The following RTN1 variants were observed in gnomAD, a reference collection of about 807,000 sequenced individuals.
RTN1 encodes reticulon 1.
RTN1 carries 25 observed loss-of-function variants against 65.5 expected under a neutral mutation model. That is an observed-to-expected ratio of 0.38 (90% CI 0.28 to 0.53). The LOEUF (loss-of-function observed/expected upper bound fraction) is 0.53. Ranked by LOEUF, RTN1 falls within the 20% of genes least tolerant of loss-of-function variation. The pLI, the probability that RTN1 is intolerant of heterozygous loss-of-function variation, is 0.79. For missense variants in RTN1, 983 were observed against 1,025.4 expected (o/e 0.96, Z 0.57); for synonymous variants, 471 against 447.6 (o/e 1.05, Z -0.66).
rs371964516 is a variant in RTN1, at chr14:59,720,950, G to A, written c.1765+5969C>T. On this transcript the variant is annotated intron_variant, in intron 3 of 8. Transcript: ENST00000267484. ...GACTTTCCAAGAATCTTTATAGCCCGGTATATTAATACAGTCTCATGAAAG... is the reference window on the plus strand; with the variant it reads ...GACTTTCCAAGAATCTTTATAGCCCAGTATATTAATACAGTCTCATGAAAG... 3.2e-4 allele frequency among the ~76,000 whole-genome samples: 49 copies of A among 151,968 alleles called. No individual in the cohort carries two copies. In the East Asian group the frequency reaches 4.1e-3, roughly 13 times the overall value.
At chr14:59,757,857 T>C (rs540437770) in intron 1 of RTN1, among the ~76,000 whole-genome samples, 1 of 152,280 alleles carries the variant, frequency 6.6e-6, no homozygotes, top group South Asian at 2.1e-4. Context: ...ACATAGTATA[T>C]TTGTTACAAC....
intron 3 of RTN1, among the ~76,000 whole-genome samples, chr14:59,683,030 T>G (rs1192511669): frequency 6.6e-6 from 1 of 152,252 alleles, no homozygotes; most frequent in East Asian, 1.9e-4. Flanking sequence ...TTTGGTGACA[T>G]TCACTATGGT....
intron 3 of RTN1, among the ~76,000 whole-genome samples, chr14:59,654,985 T>C (rs2349698): frequency 0.42 from 64,344 of 151,958 alleles, 14,569 homozygotes; most frequent in African/African-American, 0.57. Context: ...GAAAAAGAAA[T>C]GAAAGCCATT....
chr14:59,620,077 TTGA>T (rs1172262211), intron 3 of RTN1, among the ~76,000 whole-genome samples: 2 of 151,774 alleles, frequency 1.3e-5, no homozygotes, highest in Non-Finnish European at 2.9e-5. Context: ...GAAAACAGAC[TTGA>T]TGAAGCAAAG....
chr14:59,853,863 C>CTTT (rs71111670), intron 1 of RTN1, among the ~76,000 whole-genome samples: 2 of 126,684 alleles, frequency 1.6e-5, no homozygotes, highest in African/African-American at 2.9e-5. Flanking sequence ...TAAACTTTTA[C>CTTT]TTTTTTTTTT....
chr14:59,817,960 A>G (rs933266231), intron 1 of RTN1, among the ~76,000 whole-genome samples: 34 of 152,228 alleles, frequency 2.2e-4, no homozygotes, highest in African/African-American at 7.9e-4. Context: ...TGGTGTATAA[A>G]TGGTTTTGTC....
At chr14:59,612,419 T>C (rs985270316) in intron 3 of RTN1, among the ~76,000 whole-genome samples, 1 of 152,174 alleles carries the variant, frequency 6.6e-6, no homozygotes, top group African/African-American at 2.4e-5. Context: ...CTGGTCTCTC[T>C]CTCTCTCCCT....
chr14:59,701,984 C>T (rs1884190339), intron 3 of RTN1, among the ~76,000 whole-genome samples: 7 of 152,096 alleles, frequency 4.6e-5, no homozygotes, highest in Admixed American at 4.6e-4. Context: ...TCTAAGACTG[C>T]TTTCAGGTAA....
intron 3 of RTN1, among the ~76,000 whole-genome samples, chr14:59,725,385 T>C (rs58209473): frequency 0.017 from 2,578 of 152,316 alleles, 70 homozygotes; most frequent in African/African-American, 0.059. Flanking sequence ...CATGAACACA[T>C]GCTCAGCATG....
intron 1 of RTN1, among the ~76,000 whole-genome samples, chr14:59,811,477 T>C (rs1038015817): frequency 6.6e-6 from 1 of 152,210 alleles, no homozygotes; most frequent in African/African-American, 2.4e-5. Context: ...TGCACTGCAT[T>C]GTAAGTACGT....
chr14:59,773,522 G>T (rs1425499158), intron 1 of RTN1, among the ~76,000 whole-genome samples: 1 of 152,116 alleles, frequency 6.6e-6, no homozygotes, highest in African/African-American at 2.4e-5. Context: ...ATTTACAGAT[G>T]ACAAATATTC....
intron 3 of RTN1, among the ~76,000 whole-genome samples, chr14:59,671,664 C>T (rs1002691416): frequency 6.6e-6 from 1 of 152,196 alleles, no homozygotes; most frequent in Non-Finnish European, 1.5e-5. Context: ...CACCAGGACA[C>T]TTTACCACCT....
At position 59,757,918 on chromosome 14, in the gene RTN1, A is replaced by C. The variant is rs970352896; in HGVS notation, c.242-11437T>G. Among the ~76,000 whole-genome samples the C allele has an allele frequency of 6.6e-5, 10 of 152,128 alleles. 1 individual carries two copies. The highest frequency in any genetic ancestry group is 6.6e-4 in the Admixed American group (10 of 15,264). On this transcript the variant is annotated intron_variant, in intron 1 of 8. Transcript: ENST00000267484. ...CACCCAAAGTCTGTAGTTTACATTA[A>C]AGTTTACTCTTGGTGGTGTACATTC... is the stretch of plus-strand genomic sequence containing the variant.
chr14:59,651,686 C>T (rs141155675), intron 3 of RTN1, among the ~76,000 whole-genome samples: 26 of 151,968 alleles, frequency 1.7e-4, no homozygotes, highest in Non-Finnish European at 2.9e-4. Context: ...TTCAGTGAGC[C>T]GAGATTGCAC....
At chr14:59,679,482 C>T (rs932294876) in intron 3 of RTN1, among the ~76,000 whole-genome samples, 25 of 152,194 alleles carry the variant, frequency 1.6e-4, no homozygotes, top group Non-Finnish European at 2.1e-4. Context: ...GCCTTAATTT[C>T]CCCAACTGTG....
intron 3 of RTN1, among the ~76,000 whole-genome samples, chr14:59,698,901 C>T (rs1004652405): frequency 2.6e-5 from 4 of 152,140 alleles, no homozygotes; most frequent in Admixed American, 6.5e-5. Context: ...CATTTCTGAA[C>T]TTTTAGTTGT....
At chr14:59,860,633 A>G (rs898436647) in intron 1 of RTN1, among the ~76,000 whole-genome samples, 1 of 152,182 alleles carries the variant, frequency 6.6e-6, no homozygotes, top group Non-Finnish European at 1.5e-5. Context: ...CAGGCACTCA[A>G]TGCCAGCCTA....
chr14:59,829,164 T>A lies in RTN1; in HGVS notation c.241+41226A>T, dbSNP rs1346975657. On this transcript the variant is annotated intron_variant, in intron 1 of 8. Coordinates refer to ENST00000267484, the MANE Select transcript of RTN1 (RefSeq NM_021136.3). The surrounding 1 kb of genome is among the most constrained non-coding windows in gnomAD (Gnocchi z 4.3). ...GCAATACACCGTTCATTAATTAACATTTTAAAGTGCCTTCTACAACAATGT... is the reference window on the plus strand; with the variant it reads ...GCAATACACCGTTCATTAATTAACAATTTAAAGTGCCTTCTACAACAATGT... Among the ~76,000 whole-genome samples, 1 of 152,206 alleles carries A rather than the reference T, an allele frequency of 6.6e-6. No individual in the cohort carries two copies. Among genetic ancestry groups the A allele is most frequent in the Non-Finnish European group, 1.5e-5 (1 of 68,042 alleles).
rs941972568 is a variant in RTN1, at chr14:59,625,528, A to C, written c.1766-18036T>G. Among the ~76,000 whole-genome samples the C allele has an allele frequency of 5.3e-5, 8 of 152,146 alleles. No individual in the cohort carries two copies. In the South Asian group the frequency reaches 1.7e-3, roughly 32 times the overall value. On this transcript the variant is annotated intron_variant, in intron 3 of 8. Coordinates refer to ENST00000267484, the MANE Select transcript of RTN1 (RefSeq NM_021136.3). ...AGTTTCATGTCCACTTCTTCCGTTAAATTATTTTAAATACTTTTTGTAACA... is the reference window on the plus strand; with the variant it reads ...AGTTTCATGTCCACTTCTTCCGTTACATTATTTTAAATACTTTTTGTAACA...
Sources: gnomAD v4.1 joint callset for allele counts (sites outside exome capture counted in the v4.1 genomes callset) on GRCh38, gnomAD v4.1.1 for gene constraint, Gnocchi (gnomAD v3.1) non-coding constraint, MANE v1.5 for transcripts, NCBI Gene and HGNC (gene_info 2026-07-23, HGNC 2026-07-21) for gene names.